ERG: variants seen among roughly 807,000 people sequenced by gnomAD.
The protein encoded by ERG is transcriptional regulator ERG.
Under a neutral mutation model 55.3 loss-of-function variants are expected in ERG, and 9 were observed. The observed-to-expected ratio is 0.16, with a 90% confidence interval of 0.10 to 0.28. ERG has a LOEUF of 0.28. ERG is among the 10% of genes least tolerant of loss of function. The pLI, the probability that ERG is intolerant of heterozygous loss-of-function variation, is 1.00. For synonymous variants in ERG, 223 were observed against 237.3 expected (o/e 0.94, Z 0.55); for missense variants, 434 against 631.6 (o/e 0.69, Z 3.35).
At chr21:38,586,438 T>G (rs2060065586), upstream of ERG, among the ~76,000 whole-genome samples, 1 of 152,034 alleles carries the variant, frequency 6.6e-6, no homozygotes, top group Non-Finnish European at 1.5e-5. Context: ...TAACTGAAAT[T>G]TTGTGTCCTT....
chr21:38,485,252 TA>T (rs34620992), intron 1 of ERG, among the ~76,000 whole-genome samples: 55,541 of 150,144 alleles, frequency 0.37, 12,346 homozygotes, highest in African/African-American at 0.63. Flanking sequence ...TTTAGAAAGT[TA>T]AAAAAAAAAT....
intron 1 of ERG, among the ~76,000 whole-genome samples, chr21:38,620,517 TTACATTG>T (rs2060284283): frequency 6.6e-6 from 1 of 152,228 alleles, no homozygotes; most frequent in South Asian, 2.1e-4. Flanking sequence ...CTTTTACAGG[TTACATTG>T]TCTCACAGGT....
chr21:38,496,679 C>CA (rs934973878), intron 1 of ERG, among the ~76,000 whole-genome samples: 1 of 151,994 alleles, frequency 6.6e-6, no homozygotes, highest in Non-Finnish European at 1.5e-5. Flanking sequence ...CTATTATTTC[C>CA]AAAAAAGTGT....
intron 2 of ERG, among the ~76,000 whole-genome samples, chr21:38,565,452 G>A (rs1215705755): frequency 6.6e-6 from 1 of 152,174 alleles, no homozygotes; most frequent in Admixed American, 6.5e-5. Context: ...TTGCTTAACA[G>A]AAGTCTACAA....
At chr21:38,561,864 CTAAT>C (rs1333408022) in intron 2 of ERG, among the ~76,000 whole-genome samples, 3 of 152,182 alleles carry the variant, frequency 2.0e-5, no homozygotes, top group Non-Finnish European at 4.4e-5. Context: ...GAATCACTAA[CTAAT>C]AGCCATGCTT....
At chr21:38,417,834 G>A (rs547656888) in intron 3 of ERG, among the ~76,000 whole-genome samples, 1 of 152,070 alleles carries the variant, frequency 6.6e-6, no homozygotes, top group African/African-American at 2.4e-5. Flanking sequence ...AACAGAAAAA[G>A]AGAAATCTTT....
intron 1 of ERG, among the ~76,000 whole-genome samples, chr21:38,457,347 A>G (rs2058999687): frequency 6.6e-6 from 1 of 152,120 alleles, no homozygotes; most frequent in South Asian, 2.1e-4. Context: ...GAGGCAGGAG[A>G]ATCGCTTGAA....
At chr21:38,549,160 C>T (rs977431711) in intron 2 of ERG, among the ~76,000 whole-genome samples, 1 of 151,950 alleles carries the variant, frequency 6.6e-6, no homozygotes, top group Non-Finnish European at 1.5e-5. Flanking sequence ...AAAAGCCATG[C>T]CCAAGCCCAC....
chr21:38,370,974 A>C, the ERG span, among the ~76,000 whole-genome samples: 3 of 151,628 alleles, frequency 2.0e-5, no homozygotes, highest in African/African-American at 7.2e-5. Context: ...TTTCAGAGGA[A>C]TTGCAGTGGG....
chr21:38,460,657 C>T lies in ERG; in HGVS notation c.19-15036G>A, dbSNP rs1234200388. 6.6e-6 allele frequency among the ~76,000 whole-genome samples: 1 copy of T among 152,150 alleles called. No individual in the cohort carries two copies. The highest frequency in any genetic ancestry group is 1.5e-5 in the Non-Finnish European group (1 of 68,040). On this transcript the variant is annotated intron_variant, in intron 1 of 9. Transcript: ENST00000288319. The surrounding 1 kb of genome is among the most constrained non-coding windows in gnomAD (Gnocchi z 5.0). ...CCATTTTGAAAGGCTTTGACTCACA[C>T]AGGAAATACCTCACTGAGGCTCCCA...
At chr21:38,476,209 C>T (rs534840793) in intron 1 of ERG, among the ~76,000 whole-genome samples, 4 of 152,074 alleles carry the variant, frequency 2.6e-5, no homozygotes, top group Admixed American at 1.3e-4. Flanking sequence ...AAAATCTGAA[C>T]GTAGTACGTT....
intron 1 of ERG, among the ~76,000 whole-genome samples, chr21:38,637,805 TTC>T (rs1286961967): frequency 6.6e-6 from 1 of 150,778 alleles, no homozygotes; most frequent in African/African-American, 2.5e-5. Context: ...TCTTCACAAG[TTC>T]TTTTTCTGCG....
downstream of ERG, among the ~76,000 whole-genome samples, chr21:38,377,963 C>T (rs552158606): frequency 1.4e-4 from 22 of 152,334 alleles, no homozygotes; most frequent in African/African-American, 5.3e-4. Context: ...CAGTTGGCTG[C>T]TTCTCACCAT....
chr21:38,386,435 G>A (rs1239321607), intron 9 of ERG, among the ~76,000 whole-genome samples: 3 of 152,162 alleles, frequency 2.0e-5, no homozygotes, highest in African/African-American at 4.8e-5. Context: ...TTTGCAGTGT[G>A]TAGAACAAAA....
In ERG at chr21:38,485,805, G is replaced by A. The variant is rs1056283009; in HGVS notation, c.18+12558C>T. On this transcript the variant is annotated intron_variant, in intron 1 of 9. Coordinates refer to ENST00000288319, the MANE Select transcript of ERG (RefSeq NM_182918.4). Reference sequence around the variant, plus strand: ...ACAGTAGTAGATAGTGATGTCCTAGGCTTTCACATTCACTAACCACTCACT... The same window carrying A: ...ACAGTAGTAGATAGTGATGTCCTAGACTTTCACATTCACTAACCACTCACT... Among the ~76,000 whole-genome samples, 6 of 151,710 alleles carry A rather than the reference G, an allele frequency of 4.0e-5. No homozygotes were observed. The East Asian group carries it at 9.7e-4, about 24-fold the overall frequency.
chr21:38,537,074 T>C (rs1421185291), intron 2 of ERG, among the ~76,000 whole-genome samples: 1 of 152,198 alleles, frequency 6.6e-6, no homozygotes, highest in Admixed American at 6.6e-5. Flanking sequence ...TTTCAACAAC[T>C]GGTGTTGGGA....
chr21:38,534,184 T>G (rs1301827394), intron 2 of ERG, among the ~76,000 whole-genome samples: 1 of 152,200 alleles, frequency 6.6e-6, no homozygotes, highest in Admixed American at 6.5e-5. Flanking sequence ...AGCTTCATTC[T>G]CAGCATACAG....
intron 2 of ERG, among the ~76,000 whole-genome samples, chr21:38,539,072 A>G (rs1337111739): frequency 2.6e-5 from 4 of 152,168 alleles, no homozygotes; most frequent in African/African-American, 9.7e-5. Flanking sequence ...TATGTCATTC[A>G]CCATATTGTG....
rs2146410666 is a variant in ERG, at chr21:38,383,439, G to A, written c.1404C>T (p.Thr468=). The stretch of plus-strand genomic sequence containing the variant: ...TGCCCAGATGAGAAGGCATATGGCT[G>A]GTGGGGAGCCTAGTGTTGGGGTATA... ...GGIYPNTRLP[T]SHMPSHLGTY... The change falls in exon 10 of 10, where the codon ACC becomes ACT. Residue 468 remains threonine, a synonymous_variant. Transcript: ENST00000288319. The surrounding 1 kb of genome is among the most constrained non-coding windows in gnomAD (Gnocchi z 5.7). 1 of 1,515,240 alleles carries A rather than the reference G, an allele frequency of 6.6e-7. No homozygotes were observed. The highest frequency in any genetic ancestry group is 8.8e-7 in the Non-Finnish European group (1 of 1,131,700). 93.9% of individuals were successfully genotyped at this position (1,515,240 alleles called of 1,614,324 possible).
Sources: gnomAD v4.1 joint callset for allele counts (sites outside exome capture counted in the v4.1 genomes callset) on GRCh38, gnomAD v4.1.1 for gene constraint, Gnocchi (gnomAD v3.1) non-coding constraint, MANE v1.5 for transcripts, NCBI Gene and HGNC (gene_info 2026-07-23, HGNC 2026-07-21) for gene names.